The following GSG1L variants were observed in gnomAD, a reference collection of about 807,000 sequenced individuals.
GSG1L encodes the protein germ cell-specific gene 1-like protein.
A neutral mutation model predicts 42.1 loss-of-function variants in GSG1L; 24 were observed. The ratio of observed to expected loss-of-function variants is 0.57; its 90% CI spans 0.41 to 0.80. GSG1L has a LOEUF of 0.80. Ranked by LOEUF, GSG1L falls within the 30% of genes least tolerant of loss-of-function variation. The pLI, the probability that GSG1L is intolerant of heterozygous loss-of-function variation, is 0.00. For missense variants in GSG1L, 445 were observed against 472.2 expected, an observed-to-expected ratio of 0.94 and a Z score of 0.53; for synonymous variants, 215 against 203.5, an observed-to-expected ratio of 1.06 and a Z score of -0.48.
chr16:27,846,813 C>T (rs578237633), intron 3 of GSG1L, among the ~76,000 whole-genome samples: 123 of 152,088 alleles, frequency 8.1e-4, no homozygotes, highest in African/African-American at 2.5e-3. Flanking sequence ...AAAAATTACC[C>T]GGGCGTGGTG....
At chr16:27,947,521 AAAAG>A (rs1444907598) in intron 2 of GSG1L, among the ~76,000 whole-genome samples, 14 of 145,548 alleles carry the variant, frequency 9.6e-5, no homozygotes, top group Non-Finnish European at 1.7e-4. Flanking sequence ...GAAAGAAAGA[AAAAG>A]AAAGAAAGAA....
chr16:28,033,253 C>A (rs988603549), intron 1 of GSG1L, among the ~76,000 whole-genome samples: 3 of 152,252 alleles, frequency 2.0e-5, no homozygotes, highest in Non-Finnish European at 4.4e-5. Context: ...CTTGGAGAAG[C>A]CTTCTCCGAC....
At chr16:27,902,629 C>A (rs1398356297) in intron 2 of GSG1L, among the ~76,000 whole-genome samples, 1 of 152,158 alleles carries the variant, frequency 6.6e-6, no homozygotes, top group African/African-American at 2.4e-5. Flanking sequence ...CATTAATTCA[C>A]TTTCAGCAGG....
intron 3 of GSG1L, among the ~76,000 whole-genome samples, chr16:27,850,795 T>C (rs1180766850): frequency 7.5e-6 from 1 of 133,444 alleles, no homozygotes; most frequent in Non-Finnish European, 1.5e-5. Flanking sequence ...CTATCTATCA[T>C]CTACCTTTTT....
At chr16:27,981,396 C>T (rs2085325040) in intron 1 of GSG1L, among the ~76,000 whole-genome samples, 1 of 152,144 alleles carries the variant, frequency 6.6e-6, no homozygotes, top group Admixed American at 6.5e-5. Context: ...GTTCATACAC[C>T]TTTGCTGGCC....
intron 2 of GSG1L, among the ~76,000 whole-genome samples, chr16:27,904,464 C>T (rs1428668684): frequency 6.6e-6 from 1 of 152,214 alleles, no homozygotes; most frequent in African/African-American, 2.4e-5. Flanking sequence ...TCCCTAGCCC[C>T]CTTTCCTTTT....
chr16:27,931,827 G>C (rs1030325891), intron 2 of GSG1L, among the ~76,000 whole-genome samples: 1 of 152,194 alleles, frequency 6.6e-6, no homozygotes, highest in African/African-American at 2.4e-5. Flanking sequence ...ACAGGCACAG[G>C]AGGAGCGCAG....
chr16:27,954,084 G>A (rs1435864344), intron 2 of GSG1L, among the ~76,000 whole-genome samples: 1 of 152,054 alleles, frequency 6.6e-6, no homozygotes, highest in African/African-American at 2.4e-5. Flanking sequence ...GGGCACTCAG[G>A]AGGAAGTGTC....
chr16:27,978,789 T>C (rs1233302127), intron 1 of GSG1L, among the ~76,000 whole-genome samples: 1 of 151,912 alleles, frequency 6.6e-6, no homozygotes, highest in Non-Finnish European at 1.5e-5. Flanking sequence ...TATATTTGTT[T>C]GGTTGGGTTC....
chr16:27,884,504 C>T lies in GSG1L; in HGVS notation c.532G>A (p.Val178Ile), dbSNP rs769588175. 6.2e-7 allele frequency: 1 copy of T among 1,613,750 alleles called. No homozygotes were observed. Among genetic ancestry groups the T allele is most frequent in the Non-Finnish European group, 8.5e-7 (1 of 1,179,864 alleles). ...GCCTTACCTGAGAGCACCGTGAAGA[C>T]AGCCGCGAAGGCATTGAGCTTGAGC... ...DGLKLNAFAA[V>I]FTVLSGLLGM... The change falls in exon 3 of 7, where the codon GTC becomes ATC. Residue 178 changes from valine (V) to isoleucine (I), a missense_variant. This residue lies in a region of GSG1L where 149 missense variants were observed against 223.3 expected (regional missense o/e 0.67). Coordinates refer to ENST00000447459, the MANE Select transcript of GSG1L (RefSeq NM_001109763.2). This position sits in a 1 kb window ranked among gnomAD's most constrained non-coding sequence, Gnocchi z 4.4.
intron 3 of GSG1L, among the ~76,000 whole-genome samples, chr16:27,871,079 TC>T (rs1344120695): frequency 3.4e-5 from 5 of 147,156 alleles, no homozygotes; most frequent in African/African-American, 1.4e-4. Context: ...CTTTCCCCTT[TC>T]CCAACCCCAA....
At chr16:27,944,200 T>G (rs1170259854) in intron 2 of GSG1L, among the ~76,000 whole-genome samples, 1 of 152,218 alleles carries the variant, frequency 6.6e-6, no homozygotes, top group East Asian at 1.9e-4. Flanking sequence ...TATATGTATA[T>G]GTTATGCACC....
chr16:28,044,450 G>A (rs2086141298), intron 1 of GSG1L, among the ~76,000 whole-genome samples: 1 of 152,180 alleles, frequency 6.6e-6, no homozygotes, highest in Non-Finnish European at 1.5e-5. Context: ...ATAAAAAGCT[G>A]CACATACATG....
chr16:27,999,500 T>A (rs866008928), intron 1 of GSG1L, among the ~76,000 whole-genome samples: 11 of 152,348 alleles, frequency 7.2e-5, no homozygotes, highest in African/African-American at 2.4e-4. Flanking sequence ...ATTTTATGCA[T>A]CTGTTGTTAT....
intron 2 of GSG1L, among the ~76,000 whole-genome samples, chr16:27,948,770 C>G (rs1041347036): frequency 6.6e-6 from 1 of 151,464 alleles, no homozygotes; most frequent in Non-Finnish European, 1.5e-5. Flanking sequence ...CCACCGCACC[C>G]GGCTAATTTT....
intron 2 of GSG1L, among the ~76,000 whole-genome samples, chr16:27,933,767 C>G (rs11861380): frequency 0.65 from 98,857 of 151,846 alleles, 32,926 homozygotes; most frequent in South Asian, 0.75. Context: ...CCACTATCTT[C>G]TCAAAATGCA....
At chr16:27,930,748 A>G (rs2084647848) in intron 2 of GSG1L, among the ~76,000 whole-genome samples, 2 of 152,138 alleles carry the variant, frequency 1.3e-5, no homozygotes, top group Admixed American at 6.6e-5. Flanking sequence ...TTAAAGAGAC[A>G]GGGTCTTATT....
chr16:27,809,332 G>A (rs2083004035), intron 5 of GSG1L, among the ~76,000 whole-genome samples: 1 of 152,160 alleles, frequency 6.6e-6, no homozygotes, highest in East Asian at 1.9e-4. Flanking sequence ...GAGCCCAGGA[G>A]ATCAAGGCTG....
At chr16:28,007,300 GA>G (rs2085652534) in intron 1 of GSG1L, among the ~76,000 whole-genome samples, 1 of 152,178 alleles carries the variant, frequency 6.6e-6, no homozygotes, top group African/African-American at 2.4e-5. Flanking sequence ...CCAAAGGTTA[GA>G]GTGACGGGCT....
Sources: allele counts gnomAD v4.1 joint callset (sites outside exome capture counted in the v4.1 genomes callset), GRCh38; gene constraint gnomAD v4.1.1; regional missense constraint gnomAD v4.1.1; non-coding constraint Gnocchi (gnomAD v3.1); transcripts MANE v1.5; gene names NCBI Gene and HGNC (gene_info 2026-07-23, HGNC 2026-07-21).